MGAT4C: variants seen among roughly 807,000 people sequenced by gnomAD.
The protein encoded by MGAT4C is MGAT4 family member C, also known as alpha-1,3-mannosyl-glycoprotein 4-beta-N-acetylglucosaminyltransferase C.
MGAT4C carries 19 observed loss-of-function variants against 40.1 expected under a neutral mutation model. The ratio of observed to expected loss-of-function variants is 0.47; its 90% CI spans 0.33 to 0.70. The LOEUF (loss-of-function observed/expected upper bound fraction) is 0.70. MGAT4C is among the 30% of genes least tolerant of loss of function. The pLI, the probability that MGAT4C is intolerant of heterozygous loss-of-function variation, is 0.02. For missense variants in MGAT4C, 491 were observed against 563.2 expected, an observed-to-expected ratio of 0.87 and a Z score of 1.30; for synonymous variants, 181 against 187.1, an observed-to-expected ratio of 0.97 and a Z score of 0.27.
intron 3 of MGAT4C, among the ~76,000 whole-genome samples, chr12:86,414,680 T>G (rs1266829907): frequency 6.6e-6 from 1 of 152,150 alleles, no homozygotes; most frequent in South Asian, 2.1e-4. Context: ...TTCTAACTAG[T>G]GTACCTTAAT....
At chr12:86,641,198 GA>G (rs1438938898) in intron 2 of MGAT4C, among the ~76,000 whole-genome samples, 1 of 151,786 alleles carries the variant, frequency 6.6e-6, no homozygotes, top group Non-Finnish European at 1.5e-5. Context: ...CATAAAAAAT[GA>G]TGAGTTCATG....
chr12:86,260,428 C>T (rs576795849), upstream of MGAT4C, among the ~76,000 whole-genome samples: 1 of 152,262 alleles, frequency 6.6e-6, no homozygotes, highest in Non-Finnish European at 1.5e-5. Context: ...CAGCCATACC[C>T]TGATAGGCAG....
chr12:86,795,959 G>A (rs888535829), intron 1 of MGAT4C, among the ~76,000 whole-genome samples: 8 of 152,062 alleles, frequency 5.3e-5, no homozygotes, highest in Non-Finnish European at 8.8e-5. Flanking sequence ...AGAGAGCAAC[G>A]TAAGACTGGT....
At chr12:86,497,779 G>A (rs1445467091) in intron 2 of MGAT4C, among the ~76,000 whole-genome samples, 1 of 149,238 alleles carries the variant, frequency 6.7e-6, no homozygotes, top group Non-Finnish European at 1.5e-5. Flanking sequence ...GCATGGTGAT[G>A]CTTATTTTGC....
intron 1 of MGAT4C, among the ~76,000 whole-genome samples, chr12:86,081,341 A>C (rs1165165344): frequency 6.6e-6 from 1 of 152,158 alleles, no homozygotes; most frequent in African/African-American, 2.4e-5. Context: ...AGTCAAAGTG[A>C]CTCTAATTCG....
intron 3 of MGAT4C, among the ~76,000 whole-genome samples, chr12:86,382,935 T>G (rs1248407531): frequency 1.3e-5 from 2 of 152,146 alleles, no homozygotes; most frequent in Admixed American, 6.5e-5. Flanking sequence ...TCATGGAGAA[T>G]CTCTGCCAGG....
chr12:86,171,838 T>G (rs938916422), intron 1 of MGAT4C, among the ~76,000 whole-genome samples: 1 of 152,194 alleles, frequency 6.6e-6, no homozygotes, highest in Non-Finnish European at 1.5e-5. Flanking sequence ...CATTTCCAGA[T>G]AGTCTCACCC....
intron 1 of MGAT4C, among the ~76,000 whole-genome samples, chr12:86,151,496 C>T (rs941723824): frequency 3.9e-5 from 6 of 152,160 alleles, no homozygotes; most frequent in Middle Eastern, 3.4e-3. Flanking sequence ...ACCTGTAGTC[C>T]CAGCTACTTG....
At chr12:86,012,401 G>T (rs1888547974) in intron 2 of MGAT4C, among the ~76,000 whole-genome samples, 1 of 152,038 alleles carries the variant, frequency 6.6e-6, no homozygotes, top group Non-Finnish European at 1.5e-5. Context: ...GGTTCAATAA[G>T]GCTTAAGCAG....
chr12:86,715,413 C>T (rs1232586258), intron 2 of MGAT4C, among the ~76,000 whole-genome samples: 2 of 152,034 alleles, frequency 1.3e-5, no homozygotes, highest in East Asian at 1.9e-4. Context: ...TGGTTATGCT[C>T]TGTTTCTTGA....
Position 86,829,483 on chromosome 12 carries a change from T to C in MGAT4C, c.-262+9183A>G, listed in dbSNP as rs1490614244. Among the ~76,000 whole-genome samples, 9 of 151,536 alleles carry C rather than the reference T, an allele frequency of 5.9e-5. No individual in the cohort carries two copies. The Admixed American group carries it at 5.9e-4, about 10-fold the overall frequency. ...ATATAATGCAATACTTAAAACTTTC[T>C]ACAAAATTTAAGGTCCAATATATAT... is the stretch of plus-strand genomic sequence containing the variant. On this transcript the variant is annotated intron_variant, in intron 1 of 7. Transcript: ENST00000548651.
At chr12:86,827,202 G>T (rs529348121) in intron 1 of MGAT4C, among the ~76,000 whole-genome samples, 5 of 151,518 alleles carry the variant, frequency 3.3e-5, no homozygotes, top group Middle Eastern at 3.4e-3. Flanking sequence ...ATTAGCAGCA[G>T]GGAGAGACCA....
chr12:86,827,887 C>T (rs567424312), intron 1 of MGAT4C, among the ~76,000 whole-genome samples: 29 of 151,306 alleles, frequency 1.9e-4, no homozygotes, highest in Admixed American at 1.5e-3. Context: ...GAAAAAAGTT[C>T]GTATGCTTTC....
intron 2 of MGAT4C, among the ~76,000 whole-genome samples, chr12:86,555,337 T>A (rs1193907449): frequency 6.6e-6 from 1 of 152,178 alleles, no homozygotes; most frequent in East Asian, 1.9e-4. Flanking sequence ...TTCAATCAAT[T>A]AGAATTAAAT....
intron 2 of MGAT4C, among the ~76,000 whole-genome samples, chr12:86,643,846 A>G (rs1322147962): frequency 6.6e-6 from 1 of 151,786 alleles, no homozygotes; most frequent in African/African-American, 2.4e-5. Context: ...TAATCTCAAT[A>G]GGCATAAAGT....
chr12:86,255,133 CAA>C (rs1952464117), intron 1 of MGAT4C, among the ~76,000 whole-genome samples: 2 of 152,126 alleles, frequency 1.3e-5, no homozygotes, highest in South Asian at 4.2e-4. Context: ...AGCCATTATT[CAA>C]AAGTTTTATA....
At chr12:86,521,404 T>A (rs1958792475) in intron 2 of MGAT4C, among the ~76,000 whole-genome samples, 1 of 152,086 alleles carries the variant, frequency 6.6e-6, no homozygotes, top group Admixed American at 6.6e-5. Flanking sequence ...ATTTCTGAGT[T>A]CTCTATTCTG....
At chr12:86,225,134 A>C (rs1951027178) in intron 1 of MGAT4C, among the ~76,000 whole-genome samples, 1 of 152,006 alleles carries the variant, frequency 6.6e-6, no homozygotes, top group Non-Finnish European at 1.5e-5. Context: ...TATAACTGAT[A>C]AAAGATCATC....
intron 2 of MGAT4C, among the ~76,000 whole-genome samples, chr12:86,038,100 C>G (rs938913987): frequency 1.3e-5 from 2 of 149,532 alleles, no homozygotes; most frequent in Non-Finnish European, 3.0e-5. Flanking sequence ...GGTGATCAAA[C>G]AAAGAAATAG....
Sources: allele counts gnomAD v4.1 joint callset (sites outside exome capture counted in the v4.1 genomes callset), GRCh38; gene constraint gnomAD v4.1.1; transcripts MANE v1.5; gene names NCBI Gene and HGNC (gene_info 2026-07-23, HGNC 2026-07-21).